FOXP1: variants seen among roughly 807,000 people sequenced by gnomAD.
FOXP1 encodes the protein forkhead box protein P1.
FOXP1 carries 15 observed loss-of-function variants against 98.2 expected under a neutral mutation model. That is an observed-to-expected ratio of 0.15 (90% CI 0.10 to 0.24). The LOEUF is 0.24. Among genes scored for constraint, FOXP1 ranks in the 10% least tolerant of loss-of-function variants. The pLI is 1.00. For missense variants in FOXP1, 633 were observed against 848.5 expected (o/e 0.75, Z 3.15); for synonymous variants, 371 against 314.5 (o/e 1.18, Z -1.90).
At chr3:71,394,710 C>T (rs2081256651) in intron 3 of FOXP1, among the ~76,000 whole-genome samples, 1 of 152,190 alleles carries the variant, frequency 6.6e-6, no homozygotes, top group South Asian at 2.1e-4. Flanking sequence ...AGATGGATGA[C>T]TCTGGAAAAA....
chr3:71,250,351 G>A (rs1309873769), intron 5 of FOXP1, among the ~76,000 whole-genome samples: 1 of 152,176 alleles, frequency 6.6e-6, no homozygotes, highest in Non-Finnish European at 1.5e-5. Flanking sequence ...ACATCCAATA[G>A]GGTAGCCAAT....
In FOXP1 at chr3:70,976,964, G is replaced by C; in HGVS notation, c.1507C>G (p.Arg503Gly). The C allele has an allele frequency of 6.2e-7, 1 of 1,613,956 alleles. No homozygotes were observed. Among genetic ancestry groups the C allele is most frequent in the Non-Finnish European group, 8.5e-7 (1 of 1,179,846 alleles). ...ACCTTCCACGTGGCCGCGTTGCGTC[G>C]GAAGTAAGCAAACATTCGTGTGAAC... ...NWFTRMFAYF[R>G]RNAATWKNAV... is the part of the protein sequence containing the mutation. The change falls in exon 17 of 21, where the codon CGA (arginine) becomes GGA (glycine). Residue 503 changes from arginine (R) to glycine (G), a missense_variant. This residue lies in a region of FOXP1 where 141 missense variants were observed against 199.5 expected (regional missense o/e 0.71). Transcript: ENST00000649528.
intron 18 of FOXP1, chr3:70,972,130 C>G: frequency 1.3e-6 from 2 of 1,534,268 alleles, no homozygotes; most frequent in Non-Finnish European, 1.7e-6. Context: ...CAAACTCATC[C>G]TCTACTCTGA....
intron 5 of FOXP1, among the ~76,000 whole-genome samples, chr3:71,206,870 T>C (rs1299374390): frequency 6.6e-6 from 1 of 152,200 alleles, no homozygotes; most frequent in African/African-American, 2.4e-5. Context: ...TTAAGTGCCG[T>C]AATCATAGCA....
intron 2 of FOXP1, among the ~76,000 whole-genome samples, chr3:71,522,084 C>A (rs1217416344): frequency 6.6e-6 from 1 of 152,148 alleles, no homozygotes; most frequent in Admixed American, 6.6e-5. Flanking sequence ...CAGCCACATA[C>A]AAACATCCCA....
chr3:71,156,774 A>G (rs1394362519), intron 6 of FOXP1, among the ~76,000 whole-genome samples: 1 of 152,042 alleles, frequency 6.6e-6, no homozygotes, highest in East Asian at 1.9e-4. Context: ...GCAAAAAAGA[A>G]GACAAAATCT....
chr3:71,441,974 T>C (rs1316670649), intron 3 of FOXP1, among the ~76,000 whole-genome samples: 2 of 152,258 alleles, frequency 1.3e-5, no homozygotes, highest in African/African-American at 4.8e-5. Context: ...GTTATTTGCA[T>C]GAAGAGGGCT....
chr3:71,004,284 G>A (rs2042486347), intron 12 of FOXP1, among the ~76,000 whole-genome samples: 1 of 151,866 alleles, frequency 6.6e-6, no homozygotes, highest in East Asian at 1.9e-4. Flanking sequence ...ACATGAGCCT[G>A]TTATAATCAA....
At chr3:71,459,931 C>CGTTTTTTTTTTTT (rs1334419290) in intron 3 of FOXP1, among the ~76,000 whole-genome samples, 4 of 137,026 alleles carry the variant, frequency 2.9e-5, no homozygotes, top group Non-Finnish European at 3.2e-5. Flanking sequence ...GCCCCATCTT[C>CGTTTTTTTTTTTT]TTTTTTTTTT....
At chr3:71,001,672 T>C (rs1186761359) in intron 12 of FOXP1, among the ~76,000 whole-genome samples, 1 of 152,192 alleles carries the variant, frequency 6.6e-6, no homozygotes, top group African/African-American at 2.4e-5. Context: ...GGTCTAGATA[T>C]CCAGTTTACG....
intron 9 of FOXP1, among the ~76,000 whole-genome samples, chr3:71,049,179 G>T (rs75906084): frequency 2.0e-5 from 3 of 152,046 alleles, no homozygotes; most frequent in Non-Finnish European, 4.4e-5. Context: ...GATAAACCTC[G>T]AGTTTCGGAT....
At chr3:71,091,097 C>CTGTGTGTGTGTG (rs1191628935) in intron 7 of FOXP1, among the ~76,000 whole-genome samples, 2,040 of 132,566 alleles carry the variant, frequency 0.015, 65 homozygotes, top group African/African-American at 0.055. Flanking sequence ...GTGCCAGATT[C>CTGTGTGTGTGTG]TGTGTGTGTG....
intron 19 of FOXP1, chr3:70,968,660 G>C (rs1237368532): frequency 6.6e-6 from 1 of 152,054 alleles, no homozygotes; most frequent in Non-Finnish European, 1.5e-5. Context: ...CAAGTCCCAT[G>C]TTTTATTTCT....
At chr3:71,385,670 A>G (rs1475357911) in intron 3 of FOXP1, among the ~76,000 whole-genome samples, 2 of 152,236 alleles carry the variant, frequency 1.3e-5, no homozygotes, top group Non-Finnish European at 2.9e-5. Context: ...ATGTACATGA[A>G]TATGTATACA....
chr3:71,268,425 A>T (rs2069956544), intron 5 of FOXP1, among the ~76,000 whole-genome samples: 1 of 152,050 alleles, frequency 6.6e-6, no homozygotes, highest in Non-Finnish European at 1.5e-5. Flanking sequence ...AGACTGGGAA[A>T]GTTGGGGGGG....
At chr3:71,470,298 T>C (rs1397490588) in intron 3 of FOXP1, among the ~76,000 whole-genome samples, 2 of 152,224 alleles carry the variant, frequency 1.3e-5, no homozygotes, top group Non-Finnish European at 2.9e-5. Flanking sequence ...AGAGTTGTTA[T>C]ACAGATAAAA....
At chr3:71,503,706 A>G (rs907405969) in intron 2 of FOXP1, among the ~76,000 whole-genome samples, 4 of 151,768 alleles carry the variant, frequency 2.6e-5, no homozygotes, top group African/African-American at 9.7e-5. Flanking sequence ...ATGGTACTGT[A>G]GGGAGGGGAG....
chr3:70,981,556 T>C (rs2038869505), intron 14 of FOXP1, among the ~76,000 whole-genome samples: 1 of 152,214 alleles, frequency 6.6e-6, no homozygotes, highest in South Asian at 2.1e-4. Context: ...TGGTGCAAGA[T>C]GTCACTGGAA....
At chr3:71,374,020 A>G (rs1354627935) in intron 3 of FOXP1, among the ~76,000 whole-genome samples, 1 of 152,196 alleles carries the variant, frequency 6.6e-6, no homozygotes, top group East Asian at 1.9e-4. Flanking sequence ...TACCACTGCA[A>G]TGTGTGTAAA....
Sources: gnomAD v4.1 joint callset for allele counts (sites outside exome capture counted in the v4.1 genomes callset) on GRCh38, gnomAD v4.1.1 for gene constraint, gnomAD v4.1.1 regional missense constraint, MANE v1.5 for transcripts, NCBI Gene and HGNC (gene_info 2026-07-23, HGNC 2026-07-21) for gene names.